Variants in ERICH1 observed in about 807,000 individuals in gnomAD.
ERICH1 encodes glutamate-rich protein 1.
ERICH1 carries 56 observed loss-of-function variants against 39.6 expected under a neutral mutation model. That is an observed-to-expected ratio of 1.41 (90% CI 1.14 to 1.77). ERICH1 has a LOEUF of 1.77. Among genes scored for constraint, ERICH1 ranks in the 40% most tolerant of loss-of-function variants. The pLI is 0.00. For synonymous variants in ERICH1, 313 were observed against 223.6 expected (o/e 1.40, Z -3.57); for missense variants, 826 against 575.4 (o/e 1.44, Z -4.45).
chr8:729,039 C>T (rs1466741570), intron 1 of ERICH1, among the ~76,000 whole-genome samples: 3 of 152,176 alleles, frequency 2.0e-5, no homozygotes, highest in African/African-American at 7.2e-5. Context: ...GATGTGTCCT[C>T]TGTCAGCAAG....
intron 3 of ERICH1, among the ~76,000 whole-genome samples, chr8:655,739 C>T (rs548091280): frequency 3.3e-4 from 49 of 150,702 alleles, no homozygotes; most frequent in African/African-American, 1.2e-3. Context: ...TTCCATTCCA[C>T]TCCTCTCTCA....
chr8:621,947 G>A (rs1447140387), intron 3 of ERICH1, among the ~76,000 whole-genome samples: 1 of 152,182 alleles, frequency 6.6e-6, no homozygotes, highest in South Asian at 2.1e-4. Flanking sequence ...GAGTGTGGTG[G>A]CTCATGCCTG....
At chr8:653,891 A>G (rs554311416) in intron 3 of ERICH1, among the ~76,000 whole-genome samples, 2 of 151,348 alleles carry the variant, frequency 1.3e-5, no homozygotes, top group Non-Finnish European at 2.9e-5. Context: ...GACACAGGCT[A>G]TAACACGAGA....
chr8:632,038 G>A (rs1407226706), intron 3 of ERICH1, among the ~76,000 whole-genome samples: 3 of 152,102 alleles, frequency 2.0e-5, no homozygotes, highest in Non-Finnish European at 4.4e-5. Context: ...GAATAGACTC[G>A]AGCTGCGTCT....
intron 3 of ERICH1, among the ~76,000 whole-genome samples, chr8:623,699 A>C (rs982771380): frequency 6.6e-6 from 1 of 152,182 alleles, no homozygotes; most frequent in African/African-American, 2.4e-5. Context: ...GACTTCATGC[A>C]AAAACATGAA....
chr8:690,624 C>T (rs1356680447), intron 3 of ERICH1, among the ~76,000 whole-genome samples: 1 of 152,242 alleles, frequency 6.6e-6, no homozygotes, highest in Non-Finnish European at 1.5e-5. Context: ...GTATGCCACC[C>T]CTGCCTGGGC....
intron 2 of ERICH1, among the ~76,000 whole-genome samples, chr8:697,753 G>A (rs1466997114): frequency 6.6e-6 from 1 of 151,960 alleles, no homozygotes; most frequent in African/African-American, 2.4e-5. Context: ...GACTTCAGCT[G>A]TCAGCACAGC....
chr8:727,072 C>T (rs1818937251), intron 1 of ERICH1, among the ~76,000 whole-genome samples: 1 of 151,624 alleles, frequency 6.6e-6, no homozygotes, highest in Non-Finnish European at 1.5e-5. Flanking sequence ...CGTACACATA[C>T]ACATACACAC....
At chr8:657,942 G>A (rs200545277) in intron 3 of ERICH1, among the ~76,000 whole-genome samples, 5 of 152,158 alleles carry the variant, frequency 3.3e-5, no homozygotes, top group African/African-American at 9.7e-5. Context: ...ACTGGCTGGC[G>A]TTTCCTTTGC....
intron 1 of ERICH1, among the ~76,000 whole-genome samples, chr8:724,622 C>A (rs1818147837): frequency 6.6e-6 from 1 of 152,186 alleles, no homozygotes; most frequent in Non-Finnish European, 1.5e-5. Flanking sequence ...ATTGGGAAGG[C>A]CGTTCAGCAA....
chr8:638,648 T>C (rs1563176486), intron 3 of ERICH1, among the ~76,000 whole-genome samples: 2 of 152,146 alleles, frequency 1.3e-5, no homozygotes, highest in East Asian at 1.9e-4. Flanking sequence ...TGATTCTGCT[T>C]GTGGATAATT....
At chr8:691,607 T>G (rs912684038) in intron 3 of ERICH1, among the ~76,000 whole-genome samples, 2 of 152,252 alleles carry the variant, frequency 1.3e-5, no homozygotes, top group South Asian at 4.1e-4. Context: ...AGTTAAATAA[T>G]CTATCTATCT....
chr8:699,342 T>A (rs942389037), intron 2 of ERICH1, among the ~76,000 whole-genome samples: 1 of 152,164 alleles, frequency 6.6e-6, no homozygotes, highest in Non-Finnish European at 1.5e-5. Flanking sequence ...CCACCCCCGA[T>A]TGCTGTCCCA....
intron 3 of ERICH1, among the ~76,000 whole-genome samples, chr8:638,007 G>C (rs540365427): frequency 6.6e-6 from 1 of 152,360 alleles, no homozygotes; most frequent in East Asian, 1.9e-4. Context: ...TGCAGGGGCA[G>C]GATTTGGTGA....
intron 3 of ERICH1, among the ~76,000 whole-genome samples, chr8:688,962 C>T (rs539095663): frequency 1.2e-4 from 18 of 152,120 alleles, no homozygotes; most frequent in Admixed American, 7.9e-4. Flanking sequence ...TTTTAAATGA[C>T]AGTTTTACAA....
At chr8:692,730 G>T in intron 2 of ERICH1, 118 bp from the exon 3 acceptor site, 1 of 1,229,762 alleles carries the variant, frequency 8.1e-7, no homozygotes, top group Non-Finnish European at 1.1e-6. Context: ...AAATCAAAGA[G>T]CTCAATAAAA....
At chr8:657,166 GAAGA>G (rs1208097630) in intron 3 of ERICH1, among the ~76,000 whole-genome samples, 5 of 152,332 alleles carry the variant, frequency 3.3e-5, no homozygotes, top group Admixed American at 6.5e-5. Flanking sequence ...AAGAGTTGAA[GAAGA>G]AAGAAACACG....
chr8:731,075 C>T, intron 1 of ERICH1, 65 bp downstream of exon 1: 1 of 1,391,964 alleles, frequency 7.2e-7, no homozygotes, highest in South Asian at 1.6e-5. Context: ...CCCGAGTCAA[C>T]ACCGCGGTCT....
intron 3 of ERICH1, 42 bp downstream of exon 3, chr8:692,436 A>G (rs757666465): frequency 2.5e-6 from 4 of 1,613,130 alleles, no homozygotes; most frequent in Non-Finnish European, 3.4e-6. Context: ...ATACGAGCTT[A>G]TCTGCAAAGA....
Sources: gnomAD v4.1 joint callset for allele counts (sites outside exome capture counted in the v4.1 genomes callset) on GRCh38, gnomAD v4.1.1 for gene constraint, MANE v1.5 for transcripts, NCBI Gene and HGNC (gene_info 2026-07-23, HGNC 2026-07-21) for gene names.